TAGLN2: variants seen among roughly 807,000 people sequenced by gnomAD.
TAGLN2 encodes the protein transgelin 2, also known as transgelin-2.
A neutral mutation model predicts 24.9 loss-of-function variants in TAGLN2; 14 were observed. The observed-to-expected ratio is 0.56, with a 90% confidence interval of 0.37 to 0.88. TAGLN2 has a LOEUF of 0.88. Among genes scored for constraint, TAGLN2 ranks in the 40% least tolerant of loss-of-function variants. The pLI is 0.00. For missense variants in TAGLN2, 208 were observed against 258.9 expected (o/e 0.80, Z 1.35); for synonymous variants, 77 against 98.2 (o/e 0.78, Z 1.28).
In TAGLN2 at chr1:159,918,491, GGAA is replaced by G. The variant is rs774365514; in HGVS notation, c.*306_*308del. 82 of 305,376 alleles carry G rather than the reference GGAA, an allele frequency of 2.7e-4. No homozygotes were observed. In the East Asian group the frequency reaches 4.4e-3, roughly 16 times the overall value. The allele number at this position is 305,376 out of a possible 1,614,324, so 18.9% of individuals were successfully genotyped here. ...AGCTCAGAGACAGAACAGGCCAGGG[GGAA>G]GAAGGAGAGACAGAATAGGCCAGGG... is the stretch of plus-strand genomic sequence containing the variant. On this transcript the variant is annotated 3_prime_UTR_variant, in exon 5 of 5. Coordinates refer to ENST00000368097, the MANE Select transcript of TAGLN2 (RefSeq NM_003564.3).
chr1:159,922,366 C>T (rs959588630), intron 1 of TAGLN2, among the ~76,000 whole-genome samples: 6 of 152,168 alleles, frequency 3.9e-5, no homozygotes, highest in African/African-American at 1.4e-4. Flanking sequence ...CCACTTCCCC[C>T]AGCCCGAAAG....
chr1:159,922,360 T>A (rs1003696091), intron 1 of TAGLN2, among the ~76,000 whole-genome samples: 6 of 152,050 alleles, frequency 3.9e-5, no homozygotes, highest in African/African-American at 1.4e-4. Context: ...CCCCCTCCAC[T>A]TCCCCCAGCC....
chr1:159,921,233 T>C (rs1301813259), intron 1 of TAGLN2, among the ~76,000 whole-genome samples: 2 of 152,308 alleles, frequency 1.3e-5, no homozygotes, highest in East Asian at 3.9e-4. Flanking sequence ...TTATCTTATA[T>C]GACAAAAAGG....
chr1:159,919,127 G>A, intron 4 of TAGLN2, 147 bp downstream of exon 4: 3 of 1,234,116 alleles, frequency 2.4e-6, no homozygotes, highest in East Asian at 2.4e-5. Flanking sequence ...ATCCCAGAGG[G>A]TGTTGTGAGG....
chr1:159,919,786 A>G lies in TAGLN2; in HGVS notation c.230T>C (p.Val77Ala), dbSNP rs1262212617. Reference sequence around the variant, plus strand: ...CATGGTGGAGGCCTGGATCTTCTTTACTGGGGCCTGCCCCTCGGGGTACAG... The same window carrying G: ...CATGGTGGAGGCCTGGATCTTCTTTGCTGGGGCCTGCCCCTCGGGGTACAG... ...NALYPEGQAPVKKIQASTMAF... is the reference protein window; with the variant it reads ...NALYPEGQAPAKKIQASTMAF... Residue 77 changes from valine (V) to alanine (A), a missense_variant, in exon 3 of 5, where the codon GTA (valine) becomes GCA (alanine). Coordinates refer to ENST00000368097, the MANE Select transcript of TAGLN2 (RefSeq NM_003564.3). 1 of 1,614,036 alleles carries G rather than the reference A, an allele frequency of 6.2e-7. No individual in the cohort carries two copies. Among genetic ancestry groups the G allele is most frequent in the Admixed American group, 1.7e-5 (1 of 60,004 alleles).
At position 159,918,678 on chromosome 1, in the gene TAGLN2, C is replaced by G; in HGVS notation, c.*122G>C. 2 of 1,403,642 alleles carry G rather than the reference C, an allele frequency of 1.4e-6. No individual in the cohort carries two copies. The highest frequency in any genetic ancestry group is 1.9e-6 in the Non-Finnish European group (2 of 1,032,876). 86.9% of individuals were successfully genotyped at this position (1,403,642 alleles called of 1,614,324 possible). A position where few individuals can be genotyped will look rare whatever the true frequency, so the allele number is the denominator to read the frequency against. On this transcript the variant is annotated 3_prime_UTR_variant, in exon 5 of 5. Transcript: ENST00000368097. ...CAGAGGTGACAGGACAGGCTGAACC[C>G]CCCACCCTGACAGAAAGGAGCTTGA...
chr1:159,922,751 A>T lies in TAGLN2; in HGVS notation c.-28-2214T>A, dbSNP rs545931125. 8.1e-4 allele frequency among the ~76,000 whole-genome samples: 124 copies of T among 152,280 alleles called. 1 individual carries two copies. Among genetic ancestry groups the T allele is most frequent in the Non-Finnish European group, 1.3e-3 (91 of 68,020 alleles). ...AAGGGCAGGAGAATGATTAACCTAGACACTGGGGTTAAGAGCAGAGAGAAA... is the reference window on the plus strand; with the variant it reads ...AAGGGCAGGAGAATGATTAACCTAGTCACTGGGGTTAAGAGCAGAGAGAAA... On this transcript the variant is annotated intron_variant, in intron 1 of 4. Transcript: ENST00000368097.
rs1458607503 is a variant in TAGLN2, at chr1:159,925,506, G to C, written c.-85C>G. 1 of 152,248 alleles carries C rather than the reference G, an allele frequency of 6.6e-6. No individual in the cohort carries two copies. The highest frequency in any genetic ancestry group is 2.4e-5 in the African/African-American group (1 of 41,448). The allele number at this position is 152,248 out of a possible 1,614,324, so 9.4% of individuals were successfully genotyped here. A position where few individuals can be genotyped will look rare whatever the true frequency, so the allele number is the denominator to read the frequency against. On this transcript the variant is annotated 5_prime_UTR_variant, in exon 1 of 5. Transcript: ENST00000368097. ...CTCAAGGCAAGGGCTGCAGCTGCAA[G>C]TGGTGCGCCCTGCCCAGCCGGGGAT...
In TAGLN2 at chr1:159,918,686, T is replaced by C; in HGVS notation, c.*114A>G. On this transcript the variant is annotated 3_prime_UTR_variant, in exon 5 of 5. Transcript: ENST00000368097. ...ACAGGACAGGCTGAACCCCCCACCCTGACAGAAAGGAGCTTGAGAGCTCTG... is the reference window on the plus strand; with the variant it reads ...ACAGGACAGGCTGAACCCCCCACCCCGACAGAAAGGAGCTTGAGAGCTCTG... 1 of 1,464,210 alleles carries C rather than the reference T, an allele frequency of 6.8e-7. No individual in the cohort carries two copies. Among genetic ancestry groups the C allele is most frequent in the Non-Finnish European group, 9.2e-7 (1 of 1,085,926 alleles). 90.7% of individuals were successfully genotyped at this position (1,464,210 alleles called of 1,614,324 possible).
chr1:159,920,367 C>T lies in TAGLN2; in HGVS notation c.143G>A (p.Gly48Glu), dbSNP rs1374029755. ...CRKDVGRPQP[G>E]RENFQNWLKD... Reference sequence around the variant, plus strand: ...GAGCCAGTTCTGGAAGTTCTCGCGTCCAGGCTGGGGCCGGCCCACATCCTT... The same window carrying T: ...GAGCCAGTTCTGGAAGTTCTCGCGTTCAGGCTGGGGCCGGCCCACATCCTT... Residue 48 changes from glycine to glutamate, a missense_variant, in exon 2 of 5, where the codon GGA becomes GAA. Transcript: ENST00000368097. 6.2e-7 allele frequency: 1 copy of T among 1,614,252 alleles called. No individual in the cohort carries two copies. The highest frequency in any genetic ancestry group is 8.5e-7 in the Non-Finnish European group (1 of 1,180,048).
Position 159,919,300 on chromosome 1 carries a change from G to C in TAGLN2, c.432C>G (p.Phe144Leu). ...GLAVARDDGL[F>L]SGDPNWFPKK... is the part of the protein sequence containing the mutation. ...TAGGGAACCAGTTGGGATCCCCAGA[G>C]AAGAGCCCATCATCTCGGGCTACTG... is the stretch of plus-strand genomic sequence containing the variant. The change falls in exon 4 of 5, where the codon TTC becomes TTG. Residue 144 changes from phenylalanine to leucine, a missense_variant. Coordinates refer to ENST00000368097, the MANE Select transcript of TAGLN2 (RefSeq NM_003564.3). 1.9e-6 allele frequency: 3 copies of C among 1,614,224 alleles called. No individual in the cohort carries two copies. Among genetic ancestry groups the C allele is most frequent in the Non-Finnish European group, 2.5e-6 (3 of 1,180,028 alleles).
chr1:159,919,899 C>T, intron 2 of TAGLN2, 64 bp from the exon 3 acceptor site: 1 of 1,547,910 alleles, frequency 6.5e-7, no homozygotes, highest in Non-Finnish European at 8.8e-7. Flanking sequence ...TCAGCGTGCA[C>T]CACCCTCAGA....
At chr1:159,923,727 A>C in intron 1 of TAGLN2, 1 of 414,736 alleles carries the variant, frequency 2.4e-6, no homozygotes, top group South Asian at 5.6e-5. Context: ...GAGAGTCAGG[A>C]GCAGAAGAGA....
At position 159,918,735 on chromosome 1, in the gene TAGLN2, TA is replaced by T; in HGVS notation, c.*64del. 6.4e-7 allele frequency: 1 copy of T among 1,560,220 alleles called. No individual in the cohort carries two copies. Among genetic ancestry groups the T allele is most frequent in the African/African-American group, 1.4e-5 (1 of 73,574 alleles). On this transcript the variant is annotated 3_prime_UTR_variant, in exon 5 of 5. Coordinates refer to ENST00000368097, the MANE Select transcript of TAGLN2 (RefSeq NM_003564.3). ...TGGGGCTCTCTGGGAATGTCACTGC[TA>T]AAATATATATCTACATATATATTAA...
intron 4 of TAGLN2, 36 bp from the exon 5 acceptor site, chr1:159,918,977 C>T (rs556594122): frequency 6.2e-7 from 1 of 1,612,084 alleles, no homozygotes; most frequent in African/African-American, 1.3e-5. Context: ...GAGGAGATCA[C>T]AGGCTGCCCT....
In TAGLN2 at chr1:159,923,354, C is replaced by T. The variant is rs1650595836; in HGVS notation, c.-29+2096G>A. 13 of 1,486,464 alleles carry T rather than the reference C, an allele frequency of 8.7e-6. No homozygotes were observed. In the South Asian group the frequency reaches 1.4e-4, roughly 15 times the overall value. 92.1% of individuals were successfully genotyped at this position (1,486,464 alleles called of 1,614,324 possible). On this transcript the variant is annotated intron_variant, in intron 1 of 4. Coordinates refer to ENST00000368097, the MANE Select transcript of TAGLN2 (RefSeq NM_003564.3). ...GCTGTGAGAACAACCCTCACCCTCA[C>T]CCTGGAGTTACAATAGGCGGGAAAC... is the stretch of plus-strand genomic sequence containing the variant.
At chr1:159,923,362 T>G in intron 1 of TAGLN2, 1 of 1,502,430 alleles carries the variant, frequency 6.7e-7, no homozygotes, top group Non-Finnish European at 9.0e-7. Flanking sequence ...CACCCTGGAG[T>G]TACAATAGGC....
chr1:159,923,321 C>G (rs1650594848), intron 1 of TAGLN2: 1 of 1,233,698 alleles, frequency 8.1e-7, no homozygotes, highest in Admixed American at 2.4e-5. Flanking sequence ...AACCCTAGCG[C>G]TACTGCAGCT....
intron 1 of TAGLN2, chr1:159,923,323 A>C: frequency 2.3e-5 from 28 of 1,207,028 alleles, no homozygotes; most frequent in Non-Finnish European, 2.9e-5. Context: ...CCCTAGCGCT[A>C]CTGCAGCTGT....
Sources: allele counts gnomAD v4.1 joint callset (sites outside exome capture counted in the v4.1 genomes callset), GRCh38; gene constraint gnomAD v4.1.1; transcripts MANE v1.5; gene names NCBI Gene and HGNC (gene_info 2026-07-23, HGNC 2026-07-21).